The following TNPO2 variants were observed in gnomAD, a reference collection of about 807,000 sequenced individuals.
The protein encoded by TNPO2 is transportin-2.
TNPO2 carries 16 observed loss-of-function variants against 111.1 expected under a neutral mutation model. The ratio of observed to expected loss-of-function variants is 0.14; its 90% CI spans 0.10 to 0.22. The LOEUF is 0.22. TNPO2 is among the 10% of genes least tolerant of loss of function. The probability of loss-of-function intolerance (pLI) is 1.00; values close to 1 mark genes in which losing one functional copy is unlikely to be tolerated. For missense variants in TNPO2, 530 were observed against 1,173.7 expected (o/e 0.45, Z 8.01); for synonymous variants, 481 against 475.8 (o/e 1.01, Z -0.14).
Position 12,719,014 on chromosome 19 carries a change from C to CG in TNPO2, c.325+14dup, listed in dbSNP as rs397945366. On this transcript the variant is annotated intron_variant, in intron 5 of 25. Transcript: ENST00000425528. This position sits in a 1 kb window ranked among gnomAD's most constrained non-coding sequence, Gnocchi z 5.0. ...CAGTGTGTCCTCAGAGGCCAACCCC[C>CG]GCTGCCCCTCTCACCAATGGTGGCT... is the stretch of plus-strand genomic sequence containing the variant. The CG allele has an allele frequency of 6.2e-7, 1 of 1,612,618 alleles. No homozygotes were observed. Among genetic ancestry groups the CG allele is most frequent in the Non-Finnish European group, 8.5e-7 (1 of 1,179,742 alleles).
Position 12,705,017 on chromosome 19 carries a change from T to A in TNPO2, c.2022+223A>T. Among the ~76,000 whole-genome samples, 1 of 151,550 alleles carries A rather than the reference T, an allele frequency of 6.6e-6. No homozygotes were observed. The highest frequency in any genetic ancestry group is 1.9e-4 in the East Asian group (1 of 5,164). ...CAATACTGTTTGCTTTAAAAAAAAT[T>A]TTTTTTTTTAATTTTAGAACTGGGG... On this transcript the variant is annotated intron_variant, in intron 18 of 25. Coordinates refer to ENST00000425528, the MANE Select transcript of TNPO2 (RefSeq NM_001382241.1). This position sits in a 1 kb window ranked among gnomAD's most constrained non-coding sequence, Gnocchi z 7.2.
chr19:12,720,794 G>A (rs1423781918), intron 3 of TNPO2, 85 bp downstream of exon 3: 10 of 1,477,454 alleles, frequency 6.8e-6, no homozygotes, highest in Non-Finnish European at 9.0e-6. Flanking sequence ...GACTAGGGGA[G>A]TCAGTCCCTC....
intron 10 of TNPO2, among the ~76,000 whole-genome samples, chr19:12,712,419 C>T (rs1250496546): frequency 6.6e-6 from 1 of 152,168 alleles, no homozygotes; most frequent in Non-Finnish European, 1.5e-5. Flanking sequence ...CAGGTTTGCC[C>T]GCAGTTATCC....
chr19:12,723,169 C>G (rs1967117288), intron 2 of TNPO2, 80 bp downstream of exon 2: 1 of 152,128 alleles, frequency 6.6e-6, no homozygotes, highest in South Asian at 2.1e-4. Flanking sequence ...GATGAAAAAG[C>G]CACAAGGATA....
At chr19:12,716,605 T>C (rs1024679745) in intron 5 of TNPO2, among the ~76,000 whole-genome samples, 1 of 151,626 alleles carries the variant, frequency 6.6e-6, no homozygotes, top group Non-Finnish European at 1.5e-5. Context: ...CAGCCTGGGA[T>C]GGAGCAAGAC....
Position 12,701,056 on chromosome 19 carries a change from G to A in TNPO2, c.*208C>T, listed in dbSNP as rs900226402. On this transcript the variant is annotated 3_prime_UTR_variant, in exon 26 of 26. Coordinates refer to ENST00000425528, the MANE Select transcript of TNPO2 (RefSeq NM_001382241.1). The surrounding 1 kb of genome is among the most constrained non-coding windows in gnomAD (Gnocchi z 5.0). Reference sequence around the variant, plus strand: ...CCCCCCACCTCCCCGTTTGTAGGATGAGCATGGTGGCCCCACCCACCTGCC... The same window carrying A: ...CCCCCCACCTCCCCGTTTGTAGGATAAGCATGGTGGCCCCACCCACCTGCC... 2 of 356,130 alleles carry A rather than the reference G, an allele frequency of 5.6e-6. No homozygotes were observed. Among genetic ancestry groups the A allele is most frequent in the Non-Finnish European group, 1.0e-5 (2 of 194,108 alleles). 22.1% of individuals were successfully genotyped at this position (356,130 alleles called of 1,614,324 possible).
Position 12,703,172 on chromosome 19 carries a change from G to GA in TNPO2, c.2209+255dup, listed in dbSNP as rs1020685324. The GA allele has an allele frequency of 1.5e-3, 854 of 569,776 alleles. 2 individuals are homozygous for GA. Among genetic ancestry groups the GA allele is most frequent in the African/African-American group, 7.9e-3 (418 of 52,792 alleles). The allele number at this position is 569,776 out of a possible 1,614,324, so 35.3% of individuals were successfully genotyped here. A position where few individuals can be genotyped will look rare whatever the true frequency, so the allele number is the denominator to read the frequency against. ...TGACAACACGCTGCCCAAGTCAAAGGAAAAAAAAAGCCAAAGTCACCCAAC... is the reference window on the plus strand; with the variant it reads ...TGACAACACGCTGCCCAAGTCAAAGGAAAAAAAAAAGCCAAAGTCACCCAAC... On this transcript the variant is annotated intron_variant, in intron 20 of 25. Coordinates refer to ENST00000425528, the MANE Select transcript of TNPO2 (RefSeq NM_001382241.1).
rs1369877863 is a variant in TNPO2, at chr19:12,699,263, G to C, written c.*2001C>G. ...ACAAGTGGAATCTCACGCCACCTCG[G>C]CGCCAATCCCCAGCACAGCACAGTA... On this transcript the variant is annotated 3_prime_UTR_variant, in exon 26 of 26. Transcript: ENST00000425528. The C allele has an allele frequency of 2.2e-6, 1 of 446,240 alleles. No individual in the cohort carries two copies. Among genetic ancestry groups the C allele is most frequent in the Non-Finnish European group, 4.5e-6 (1 of 222,632 alleles). 27.6% of individuals were successfully genotyped at this position (446,240 alleles called of 1,614,324 possible).
At position 12,701,828 on chromosome 19, in the gene TNPO2, C is replaced by T; in HGVS notation, c.2435G>A (p.Arg812Lys). The T allele has an allele frequency of 6.2e-7, 1 of 1,613,658 alleles. No individual in the cohort carries two copies. The highest frequency in any genetic ancestry group is 8.5e-7 in the Non-Finnish European group (1 of 1,179,848). Residue 812 changes from arginine (R) to lysine (K), a missense_variant, in exon 23 of 26, where the codon AGG becomes AAG. Coordinates refer to ENST00000425528, the MANE Select transcript of TNPO2 (RefSeq NM_001382241.1). The surrounding 1 kb of genome is among the most constrained non-coding windows in gnomAD (Gnocchi z 5.0). Reference protein sequence around the residue: ...RPWCTSLRNIRDNEEKDSAFR... With the variant: ...RPWCTSLRNIKDNEEKDSAFR... Reference sequence around the variant, plus strand: ...GGCTGAGTCCTTCTCCTCGTTGTCCCTGATGTTCCTGAGGGACGTGCACCT... The same window carrying T: ...GGCTGAGTCCTTCTCCTCGTTGTCCTTGATGTTCCTGAGGGACGTGCACCT...
Position 12,703,796 on chromosome 19 carries a change from C to A in TNPO2, c.2028G>T (p.Ser676=). The A allele has an allele frequency of 6.3e-7, 1 of 1,584,316 alleles. No homozygotes were observed. ...AGGAGCTCTGCCGGACCTCAGGCAT[C>A]GAGTCCTGGGGATTCAAGTAAGATC... ...MTLLFQCMQD[S]MPEVRQSSFA... Residue 676 remains serine, a synonymous_variant, in exon 19 of 26, where the codon TCG becomes TCT. Transcript: ENST00000425528.
In TNPO2 at chr19:12,721,097, G is replaced by T; in HGVS notation, c.-13-107C>A. 6.6e-7 allele frequency: 1 copy of T among 1,526,644 alleles called. No individual in the cohort carries two copies. The highest frequency in any genetic ancestry group is 2.5e-5 in the East Asian group (1 of 40,108). 94.6% of individuals were successfully genotyped at this position (1,526,644 alleles called of 1,614,324 possible). On this transcript the variant is annotated intron_variant, in intron 2 of 25. Coordinates refer to ENST00000425528, the MANE Select transcript of TNPO2 (RefSeq NM_001382241.1). The surrounding 1 kb of genome is among the most constrained non-coding windows in gnomAD (Gnocchi z 4.9). ...GCCGCATGACGACGGGAACGCCCTC[G>T]GCGGACAGGCGGAGGCCTCCGATCC...
chr19:12,705,960 C>T lies in TNPO2; in HGVS notation c.1669-192G>A. 1 of 652,164 alleles carries T rather than the reference C, an allele frequency of 1.5e-6. No homozygotes were observed. The allele number at this position is 652,164 out of a possible 1,614,324, so 40.4% of individuals were successfully genotyped here. On this transcript the variant is annotated intron_variant, in intron 15 of 25. Coordinates refer to ENST00000425528, the MANE Select transcript of TNPO2 (RefSeq NM_001382241.1). This position sits in a 1 kb window ranked among gnomAD's most constrained non-coding sequence, Gnocchi z 7.2. The stretch of plus-strand genomic sequence containing the variant: ...CAAGCACCGCCCGCCCCACCCCACC[C>T]CCCGGGAGCCTGGGTTACCACCTCC...
rs556463793 is a variant in TNPO2 at position 12,706,428 on chromosome 19, G to A, written c.1497-61C>T. 1.4e-5 allele frequency: 22 copies of A among 1,604,146 alleles called. No homozygotes were observed. The African/African-American group carries it at 2.9e-4, about 21-fold the overall frequency. ...ACCATGGCAGGTGACACTGGGCCAT[G>A]GGCAGTTGGGGAGGGCAACTCAGGA... On this transcript the variant is annotated intron_variant, in intron 14 of 25. Coordinates refer to ENST00000425528, the MANE Select transcript of TNPO2 (RefSeq NM_001382241.1). The surrounding 1 kb of genome is among the most constrained non-coding windows in gnomAD (Gnocchi z 7.0).
rs1437853795 is a variant in TNPO2, at chr19:12,705,712, G to A, written c.1725C>T (p.Asp575=). 9.3e-6 allele frequency: 14 copies of A among 1,497,328 alleles called. No homozygotes were observed. Among genetic ancestry groups the A allele is most frequent in the South Asian group, 4.0e-5 (3 of 75,142 alleles). 92.8% of individuals were successfully genotyped at this position (1,497,328 alleles called of 1,614,324 possible). A position where few individuals can be genotyped will look rare whatever the true frequency, so the allele number is the denominator to read the frequency against. Residue 575 remains aspartate (D), a synonymous_variant, in exon 16 of 26, where the codon GAC becomes GAT. Coordinates refer to ENST00000425528, the MANE Select transcript of TNPO2 (RefSeq NM_001382241.1). The surrounding 1 kb of genome is among the most constrained non-coding windows in gnomAD (Gnocchi z 7.2). The part of the protein sequence containing the change: ...PLIQKWNELK[D]EDKDLFPLLE... ...GCAGGGGGAAGAGGTCCTTGTCTTC[G>A]TCCTTGAGCTCATTCCACTTCTGGA...
At position 12,723,792 on chromosome 19, in the gene TNPO2, G is replaced by A. The variant is rs1304898919; in HGVS notation, c.-154C>T. 3 of 152,146 alleles carry A rather than the reference G, an allele frequency of 2.0e-5. No homozygotes were observed. Among genetic ancestry groups the A allele is most frequent in the African/African-American group, 7.2e-5 (3 of 41,432 alleles). 9.4% of individuals were successfully genotyped at this position (152,146 alleles called of 1,614,324 possible). ...ACTTGCCGTAGGCAAAGTCAGTCCC[G>A]GCTCCGTTCATTCATGAAAATCAAG... On this transcript the variant is annotated 5_prime_UTR_variant, in exon 1 of 26. Coordinates refer to ENST00000425528, the MANE Select transcript of TNPO2 (RefSeq NM_001382241.1).
At chr19:12,711,022 G>A (rs1359078924) in intron 12 of TNPO2, among the ~76,000 whole-genome samples, 1 of 152,126 alleles carries the variant, frequency 6.6e-6, no homozygotes, top group Non-Finnish European at 1.5e-5. Flanking sequence ...AGCCTCCCGA[G>A]TAGCTGGGAC....
At chr19:12,722,582 A>AAAAAAAAG (rs1967065021) in intron 2 of TNPO2, 1 of 149,634 alleles carries the variant, frequency 6.7e-6, no homozygotes, top group Non-Finnish European at 1.5e-5. Flanking sequence ...AAAAAAAAAA[A>AAAAAAAAG]AAAGAAAGAA....
At chr19:12,720,184 A>G (rs2026599480) in intron 3 of TNPO2, among the ~76,000 whole-genome samples, 2 of 149,022 alleles carry the variant, frequency 1.3e-5, no homozygotes, top group African/African-American at 4.9e-5. Context: ...ACCTGGCTTA[A>G]TTTTTGTATT....
intron 2 of TNPO2, among the ~76,000 whole-genome samples, chr19:12,722,831 C>T (rs901078300): frequency 3.9e-5 from 6 of 152,156 alleles, no homozygotes; most frequent in African/African-American, 9.7e-5. Context: ...CTGACCTGAC[C>T]GCAAGCTCTT....
Sources: allele counts gnomAD v4.1 joint callset (sites outside exome capture counted in the v4.1 genomes callset), GRCh38; gene constraint gnomAD v4.1.1; non-coding constraint Gnocchi (gnomAD v3.1); transcripts MANE v1.5; gene names NCBI Gene and HGNC (gene_info 2026-07-23, HGNC 2026-07-21).